LTBP2: variants seen among roughly 807,000 people sequenced by gnomAD.
The protein encoded by LTBP2 is latent-transforming growth factor beta-binding protein 2.
Under a neutral mutation model 210.6 loss-of-function variants are expected in LTBP2, and 103 were observed. That is an observed-to-expected ratio of 0.49 (90% confidence interval 0.42 to 0.58). The LOEUF (loss-of-function observed/expected upper bound fraction) is 0.58. Ranked by LOEUF, LTBP2 falls within the 20% of genes least tolerant of loss-of-function variation. The pLI, the probability that LTBP2 is intolerant of heterozygous loss-of-function variation, is 0.00. For missense variants in LTBP2, 2,313 were observed against 2,494.5 expected, an observed-to-expected ratio of 0.93 and a Z score of 1.55; for synonymous variants, 1,007 against 1,015.0, an observed-to-expected ratio of 0.99 and a Z score of 0.15.
chr14:74,567,958 C>T (rs1003267850), intron 3 of LTBP2, among the ~76,000 whole-genome samples: 1 of 152,142 alleles, frequency 6.6e-6, no homozygotes, highest in African/African-American at 2.4e-5. Context: ...GTCGTTCAAC[C>T]ACCGCCAACG....
At chr14:74,527,757 T>G (rs545077882) in intron 12 of LTBP2, among the ~76,000 whole-genome samples, 1 of 152,150 alleles carries the variant, frequency 6.6e-6, no homozygotes, top group Non-Finnish European at 1.5e-5. Flanking sequence ...GGCTGGGTCA[T>G]GCAGCCCCCT....
chr14:74,573,647 T>G (rs1380967286), intron 3 of LTBP2, among the ~76,000 whole-genome samples: 2 of 152,212 alleles, frequency 1.3e-5, no homozygotes, highest in Non-Finnish European at 2.9e-5. Context: ...CTTGCCTACG[T>G]AACTACCCTG....
In LTBP2 at chr14:74,506,813, C is replaced by T. The variant is rs937618308; in HGVS notation, c.3918G>A (p.Glu1306=). The change falls in exon 27 of 36, where the codon GAG becomes GAA. Residue 1306 remains glutamate, a synonymous_variant. Coordinates refer to ENST00000261978, the MANE Select transcript of LTBP2 (RefSeq NM_000428.3). ...TGCCACACATGGTGTCGTTGGCGCACTCGTCTATGTCTGTGGGACAGTGGG... is the reference window on the plus strand; with the variant it reads ...TGCCACACATGGTGTCGTTGGCGCATTCGTCTATGTCTGTGGGACAGTGGG... ...APNGDCIDID[E]CANDTMCGSH... 2 of 1,613,886 alleles carry T rather than the reference C, an allele frequency of 1.2e-6. No individual in the cohort carries two copies. The highest frequency in any genetic ancestry group is 1.7e-6 in the Non-Finnish European group (2 of 1,180,028).
intron 2 of LTBP2, among the ~76,000 whole-genome samples, chr14:74,602,819 C>T (rs957511140): frequency 1.1e-4 from 17 of 152,220 alleles, no homozygotes; most frequent in African/African-American, 7.2e-5. Flanking sequence ...CAAGGGGAGA[C>T]GGCTCCAGGC....
chr14:74,508,621 C>G lies in LTBP2; in HGVS notation c.3635G>C (p.Gly1212Ala), dbSNP rs760416314. Residue 1212 changes from glycine (G) to alanine (A), a missense_variant, in exon 24 of 36, where the codon GGG becomes GCG. Gly to Ala is a moderately conservative substitution (Grantham distance 60). Transcript: ENST00000261978. ...CTTCTCACCCTGGCAGCTGGTGCCCCCCTCTGCGCTGACGAAGCCAGGCGC... is the reference window on the plus strand; with the variant it reads ...CTTCTCACCCTGGCAGCTGGTGCCCGCCTCTGCGCTGACGAAGCCAGGCGC... Reference protein sequence around the residue: ...LCAPGFVSAEGGTSCQDVDEC... With the variant: ...LCAPGFVSAEAGTSCQDVDEC... 2 of 1,609,442 alleles carry G rather than the reference C, an allele frequency of 1.2e-6. No individual in the cohort carries two copies. The highest frequency in any genetic ancestry group is 1.7e-6 in the Non-Finnish European group (2 of 1,179,860).
Position 74,551,155 on chromosome 14 carries a change from C to A in LTBP2, c.1595G>T (p.Arg532Leu), listed in dbSNP as rs140234036. Residue 532 changes from arginine (R) to leucine (L), a missense_variant, in exon 7 of 36, where the codon CGG becomes CTG. Around this residue, in one of 3 missense-constraint regions of LTBP2, gnomAD observed 1,867 missense variants for 1,976.9 expected, o/e 0.94. Transcript: ENST00000261978. ...SLWDSNNIPA[R>L]SGEPPRPLPP... Reference sequence around the variant, plus strand: ...CAGTGGCCGAGGGGGCTCTCCAGACCGAGCAGGGATGTTGTTGCTGTCCCA... The same window carrying A: ...CAGTGGCCGAGGGGGCTCTCCAGACAGAGCAGGGATGTTGTTGCTGTCCCA... 8 of 1,613,794 alleles carry A rather than the reference C, an allele frequency of 5.0e-6. No individual in the cohort carries two copies. The highest frequency in any genetic ancestry group is 1.1e-5 in the South Asian group (1 of 91,084).
intron 9 of LTBP2, among the ~76,000 whole-genome samples, chr14:74,535,473 C>T (rs192417755): frequency 6.9e-4 from 105 of 152,278 alleles, no homozygotes; most frequent in African/African-American, 2.4e-3. Context: ...TTGAAGCAAG[C>T]GGGAGGGAAG....
intron 12 of LTBP2, among the ~76,000 whole-genome samples, chr14:74,528,157 A>T (rs2087299283): frequency 6.6e-6 from 1 of 152,204 alleles, no homozygotes; most frequent in Non-Finnish European, 1.5e-5. Flanking sequence ...GCCTGCAGCA[A>T]GCACCGGCCC....
At chr14:74,567,200 G>A (rs149760476) in intron 3 of LTBP2, among the ~76,000 whole-genome samples, 3 of 152,186 alleles carry the variant, frequency 2.0e-5, no homozygotes, top group Non-Finnish European at 4.4e-5. Context: ...CCCTGAAGTA[G>A]GTGCTGCCTC....
At chr14:74,563,448 T>C (rs2087822246) in intron 3 of LTBP2, among the ~76,000 whole-genome samples, 1 of 152,140 alleles carries the variant, frequency 6.6e-6, no homozygotes, top group South Asian at 2.1e-4. Context: ...CAAACAAGGA[T>C]CTGCTGGCAG....
rs202022201 is a variant in LTBP2 at position 74,508,668 on chromosome 14, G to A, written c.3588C>T (p.His1196=). 22 of 1,613,514 alleles carry A rather than the reference G, an allele frequency of 1.4e-5. 1 individual carries two copies. In the African/African-American group the frequency reaches 1.7e-4, roughly 13 times the overall value. The change falls in exon 24 of 36, where the codon CAC becomes CAT. Residue 1196 remains histidine (H), a synonymous_variant. Transcript: ENST00000261978. ...CAPHGECLNS[H]GSFFCLCAPG... is the part of the protein sequence containing the mutation. ...GCGCGCACAGACAGAAGAAAGACCC[G>A]TGGCTGTTGAGGCACTCGCCGTGGG...
At chr14:74,575,288 A>G (rs561872897) in intron 3 of LTBP2, among the ~76,000 whole-genome samples, 1 of 152,322 alleles carries the variant, frequency 6.6e-6, no homozygotes, top group South Asian at 2.1e-4. Flanking sequence ...TAACACTACA[A>G]AGGCCCAGAG....
chr14:74,517,524 C>T (rs1478047725), intron 17 of LTBP2, among the ~76,000 whole-genome samples: 1 of 152,144 alleles, frequency 6.6e-6, no homozygotes, highest in Non-Finnish European at 1.5e-5. Context: ...GTGCCCGCTA[C>T]CACACCCAGC....
In LTBP2 at chr14:74,498,384, A is replaced by G; in HGVS notation, c.*2500T>C. ...ATTAATGTGAAATATGCACAAGAAT[A>G]TTCATTACAGCATTATTTATAGCAA... On this transcript the variant is annotated 3_prime_UTR_variant, in exon 36 of 36. Transcript: ENST00000261978. 5.1e-6 allele frequency: 1 copy of G among 197,394 alleles called. No homozygotes were observed. The highest frequency in any genetic ancestry group is 7.9e-5 in the East Asian group (1 of 12,648). The allele number at this position is 197,394 out of a possible 1,614,324, so 12.2% of individuals were successfully genotyped here.
chr14:74,568,947 A>C (rs1384240709), intron 3 of LTBP2, among the ~76,000 whole-genome samples: 2 of 152,086 alleles, frequency 1.3e-5, no homozygotes, highest in African/African-American at 4.8e-5. Context: ...TAGTCATGGA[A>C]AACTCCCCTT....
intron 3 of LTBP2, among the ~76,000 whole-genome samples, chr14:74,564,125 TTATATATATA>T (rs1363933496): frequency 6.2e-5 from 1 of 16,158 alleles, no homozygotes; most frequent in South Asian, 1.3e-3. Context: ...ATATATATAT[TTATATATATA>T]TTTATATATA....
chr14:74,511,794 G>A (rs1034835525), intron 18 of LTBP2, among the ~76,000 whole-genome samples: 1 of 152,228 alleles, frequency 6.6e-6, no homozygotes, highest in African/African-American at 2.4e-5. Context: ...CGGAGGGGCA[G>A]TGAAGGCAAC....
intron 3 of LTBP2, among the ~76,000 whole-genome samples, chr14:74,572,530 C>T (rs768627179): frequency 1.3e-5 from 2 of 151,064 alleles, no homozygotes; most frequent in Non-Finnish European, 2.9e-5. Flanking sequence ...CTGACCGTGG[C>T]AAATTAATTA....
At chr14:74,513,731 G>T (rs532717001) in intron 18 of LTBP2, among the ~76,000 whole-genome samples, 227 of 152,302 alleles carry the variant, frequency 1.5e-3, no homozygotes, top group African/African-American at 5.2e-3. Context: ...TGAACCCGGT[G>T]GGGGAGGAGG....
Sources: gnomAD v4.1 joint callset for allele counts (sites outside exome capture counted in the v4.1 genomes callset) on GRCh38, gnomAD v4.1.1 for gene constraint, gnomAD v4.1.1 regional missense constraint, MANE v1.5 for transcripts, NCBI Gene and HGNC (gene_info 2026-07-23, HGNC 2026-07-21) for gene names.